NDFIP2: variants seen among roughly 807,000 people sequenced by gnomAD.
The protein encoded by NDFIP2 is NEDD4 family-interacting protein 2.
In NDFIP2, 19 loss-of-function variants were observed where a neutral mutation model predicts 36.0. That is an observed-to-expected ratio of 0.53 (90% confidence interval 0.37 to 0.77). The LOEUF (loss-of-function observed/expected upper bound fraction) is 0.77. Ranked by LOEUF, NDFIP2 falls within the 30% of genes least tolerant of loss-of-function variation. The probability of loss-of-function intolerance (pLI) is 0.00; values close to 1 mark genes in which losing one functional copy is unlikely to be tolerated. For synonymous variants in NDFIP2, 181 were observed against 167.7 expected, an observed-to-expected ratio of 1.08 and a Z score of -0.61; for missense variants, 446 against 435.8, an observed-to-expected ratio of 1.02 and a Z score of -0.21.
At chr13:79,509,289 G>T (rs1206433051) in intron 1 of NDFIP2, among the ~76,000 whole-genome samples, 2 of 152,106 alleles carry the variant, frequency 1.3e-5, no homozygotes, top group Non-Finnish European at 2.9e-5. Context: ...GGGTAGGGGG[G>T]CAGTGGAGAG....
rs777929173 is a variant in NDFIP2, at chr13:79,531,696, C to T, written c.488-1627C>T. Among the ~76,000 whole-genome samples, 83 of 152,342 alleles carry T rather than the reference C, an allele frequency of 5.4e-4. No homozygotes were observed. In the Middle Eastern group the frequency reaches 0.01, roughly 19 times the overall value. Reference sequence around the variant, plus strand: ...TTTCTTCTTTACCTTCCTCACTTCTCTCAGTCTTCATAGAATTGAAGAGAG... The same window carrying T: ...TTTCTTCTTTACCTTCCTCACTTCTTTCAGTCTTCATAGAATTGAAGAGAG... On this transcript the variant is annotated intron_variant, in intron 2 of 7. Transcript: ENST00000218652.
At chr13:79,503,533 G>A (rs1873747854) in intron 1 of NDFIP2, among the ~76,000 whole-genome samples, 1 of 152,122 alleles carries the variant, frequency 6.6e-6, no homozygotes, top group African/African-American at 2.4e-5. Context: ...AAATGTTGAG[G>A]CCAGAAGGTT....
chr13:79,526,420 G>A (rs1874798660), intron 2 of NDFIP2, among the ~76,000 whole-genome samples: 2 of 152,176 alleles, frequency 1.3e-5, no homozygotes, highest in Admixed American at 1.3e-4. Context: ...GTGTATAGTT[G>A]GTAGTTGAAT....
intron 1 of NDFIP2, among the ~76,000 whole-genome samples, chr13:79,508,049 G>C (rs928743522): frequency 6.6e-6 from 1 of 152,028 alleles, no homozygotes; most frequent in African/African-American, 2.4e-5. Context: ...TACTTTTTGA[G>C]CTTGCTTTAT....
At chr13:79,506,264 AAACTT>A (rs1873864189) in intron 1 of NDFIP2, among the ~76,000 whole-genome samples, 1 of 152,080 alleles carries the variant, frequency 6.6e-6, no homozygotes. Flanking sequence ...AGTCATTTAA[AAACTT>A]AACATGTTTG....
chr13:79,504,907 C>G (rs970717456), intron 1 of NDFIP2, among the ~76,000 whole-genome samples: 1 of 152,104 alleles, frequency 6.6e-6, no homozygotes, highest in African/African-American at 2.4e-5. Flanking sequence ...ATGTTTTATT[C>G]TATGAGTTAT....
At position 79,481,412 on chromosome 13, in the gene NDFIP2, C is replaced by A; in HGVS notation, c.209C>A (p.Ser70Ter). The change falls in exon 1 of 8, where the codon TCG becomes TAG. Residue 70 changes from serine (S) to a stop codon, truncating the protein, a stop_gained. Coordinates refer to ENST00000218652, the MANE Select transcript of NDFIP2 (RefSeq NM_019080.3). LOFTEE classifies it high-confidence loss of function. ...AGGGGCCCTGCGGCGACGACGTCGT[C>A]GACGGGGGTGGCCGTGGGAGCTGAG... The part of the protein sequence containing the change: ...GGRGPAATTS[S>*]TGVAVGAEHG... The A allele has an allele frequency of 6.4e-7, 1 of 1,557,280 alleles. No homozygotes were observed. The highest frequency in any genetic ancestry group is 8.7e-7 in the Non-Finnish European group (1 of 1,150,372).
At chr13:79,538,195 G>A (rs1875317862) in intron 3 of NDFIP2, among the ~76,000 whole-genome samples, 1 of 152,040 alleles carries the variant, frequency 6.6e-6, no homozygotes, top group Non-Finnish European at 1.5e-5. Context: ...CTCCTACCAG[G>A]CCCAATCTCC....
chr13:79,511,423 C>A (rs888828073), intron 1 of NDFIP2, among the ~76,000 whole-genome samples: 1 of 152,072 alleles, frequency 6.6e-6, no homozygotes, highest in Admixed American at 6.5e-5. Context: ...TATTCAGTGA[C>A]CTGTAGTTTT....
At chr13:79,482,169 C>CTTTTTTTTTTTTTTTTTTTTTTTT (rs10558361) in intron 1 of NDFIP2, among the ~76,000 whole-genome samples, 27 of 75,884 alleles carry the variant, frequency 3.6e-4, no homozygotes, top group South Asian at 1.2e-3. Flanking sequence ...TTCTTTCTTT[C>CTTTTTTTTTTTTTTTTTTTTTTTT]TTTTTTTTTT....
intron 1 of NDFIP2, among the ~76,000 whole-genome samples, chr13:79,514,167 A>G (rs1393536230): frequency 6.6e-6 from 1 of 152,172 alleles, no homozygotes; most frequent in Non-Finnish European, 1.5e-5. Flanking sequence ...GGTTGGTGCA[A>G]AAGTAATTGT....
intron 1 of NDFIP2, among the ~76,000 whole-genome samples, chr13:79,488,911 C>A (rs1403803527): frequency 6.6e-6 from 1 of 152,132 alleles, no homozygotes; most frequent in Non-Finnish European, 1.5e-5. Context: ...TAATAAAATG[C>A]TGCTAAATGC....
chr13:79,555,440 T>C lies in NDFIP2; in HGVS notation c.*2927T>C, dbSNP rs923001058. 19 of 151,654 alleles carry C rather than the reference T, an allele frequency of 1.3e-4. No individual in the cohort carries two copies. Among genetic ancestry groups the C allele is most frequent in the African/African-American group, 4.6e-4 (19 of 41,292 alleles). 9.4% of individuals were successfully genotyped at this position (151,654 alleles called of 1,614,324 possible). ...AGTTATATGATCATCCTGTGTATAA[T>C]TGTAGACTGTACCAAGAAGCAACTA... On this transcript the variant is annotated 3_prime_UTR_variant, in exon 8 of 8. Coordinates refer to ENST00000218652, the MANE Select transcript of NDFIP2 (RefSeq NM_019080.3).
At chr13:79,538,456 C>G (rs536053877) in intron 3 of NDFIP2, among the ~76,000 whole-genome samples, 43 of 152,248 alleles carry the variant, frequency 2.8e-4, no homozygotes, top group African/African-American at 9.6e-4. Context: ...CTAATTACTT[C>G]TAAGATAAAA....
chr13:79,510,698 A>G (rs1292763697), intron 1 of NDFIP2, among the ~76,000 whole-genome samples: 1 of 152,016 alleles, frequency 6.6e-6, no homozygotes, highest in Non-Finnish European at 1.5e-5. Flanking sequence ...GCTATCAAAG[A>G]TGGTCTTATT....
chr13:79,546,862 A>ATGTTGTATTTCTAAC (rs1339688117), intron 5 of NDFIP2, among the ~76,000 whole-genome samples: 2 of 152,116 alleles, frequency 1.3e-5, no homozygotes, highest in Non-Finnish European at 2.9e-5. Context: ...CTATATGAAA[A>ATGTTGTATTTCTAAC]TGTTGTATTT....
At chr13:79,516,626 T>G (rs1053318755) in intron 1 of NDFIP2, among the ~76,000 whole-genome samples, 1 of 152,200 alleles carries the variant, frequency 6.6e-6, no homozygotes, top group African/African-American at 2.4e-5. Flanking sequence ...TATTCATTGG[T>G]TTTTTAGATC....
chr13:79,551,935 T>C (rs1321863099), intron 7 of NDFIP2, among the ~76,000 whole-genome samples: 1 of 151,426 alleles, frequency 6.6e-6, no homozygotes, highest in Non-Finnish European at 1.5e-5. Flanking sequence ...AACTTCTGAA[T>C]GCAGGACTAT....
intron 1 of NDFIP2, among the ~76,000 whole-genome samples, chr13:79,511,445 GTTTAA>G (rs926909987): frequency 1.3e-5 from 2 of 152,042 alleles, no homozygotes; most frequent in Non-Finnish European, 2.9e-5. Context: ...AGAAACCATT[GTTTAA>G]TTTAGTAAAC....
Sources: allele counts gnomAD v4.1 joint callset (sites outside exome capture counted in the v4.1 genomes callset), GRCh38; gene constraint gnomAD v4.1.1; transcripts MANE v1.5; gene names NCBI Gene and HGNC (gene_info 2026-07-23, HGNC 2026-07-21).